SYT17: variants seen among roughly 807,000 people sequenced by gnomAD.
SYT17 encodes the protein synaptotagmin-17.
SYT17 carries 22 observed loss-of-function variants against 46.7 expected under a neutral mutation model. That is an observed-to-expected ratio of 0.47 (90% CI 0.34 to 0.67). SYT17 has a LOEUF of 0.67. Among genes scored for constraint, SYT17 ranks in the 30% least tolerant of loss-of-function variants. The pLI is 0.01. For missense variants in SYT17, 519 were observed against 612.8 expected (o/e 0.85, Z 1.62); for synonymous variants, 251 against 248.4 (o/e 1.01, Z -0.10).
chr16:19,198,756 A>G (rs943572995), intron 5 of SYT17, among the ~76,000 whole-genome samples: 10 of 152,252 alleles, frequency 6.6e-5, no homozygotes, highest in Non-Finnish European at 5.9e-5. Context: ...CTGTCATCTG[A>G]TAATGCCTGT....
intron 2 of SYT17, 53 bp from the exon 3 acceptor site, chr16:19,173,377 T>TTCCCCCCC: frequency 1.5e-5 from 2 of 133,944 alleles, no homozygotes; most frequent in Non-Finnish European, 2.9e-5. Flanking sequence ...TTCCCCACCC[T>TTCCCCCCC]GCCCACCTCC....
chr16:19,174,394 C>T (rs1199563956), intron 3 of SYT17, among the ~76,000 whole-genome samples: 1 of 152,114 alleles, frequency 6.6e-6, no homozygotes, highest in Non-Finnish European at 1.5e-5. Context: ...TGTCATGCTT[C>T]GGAGGGGCAG....
chr16:19,235,050 T>C (rs1966831348), intron 7 of SYT17, among the ~76,000 whole-genome samples: 1 of 152,026 alleles, frequency 6.6e-6, no homozygotes, highest in Non-Finnish European at 1.5e-5. Context: ...GGGAGATAGG[T>C]CAGAGCAAGA....
chr16:19,232,284 C>G (rs1216189769), intron 7 of SYT17, among the ~76,000 whole-genome samples: 1 of 152,112 alleles, frequency 6.6e-6, no homozygotes, highest in African/African-American at 2.4e-5. Context: ...TTTTGCCAAC[C>G]CTTGGTGTCT....
chr16:19,253,043 C>T (rs1055108702), intron 7 of SYT17, among the ~76,000 whole-genome samples: 5 of 152,258 alleles, frequency 3.3e-5, no homozygotes, highest in African/African-American at 9.6e-5. Context: ...GGTGTGGAGA[C>T]CACACTTCGG....
At chr16:19,232,716 A>G (rs1316786244) in intron 7 of SYT17, among the ~76,000 whole-genome samples, 1 of 152,074 alleles carries the variant, frequency 6.6e-6, no homozygotes, top group Non-Finnish European at 1.5e-5. Flanking sequence ...CTGTAGTCCC[A>G]GCTGCTCGGG....
intron 7 of SYT17, among the ~76,000 whole-genome samples, chr16:19,265,603 C>G (rs1293152047): frequency 6.6e-6 from 1 of 152,224 alleles, no homozygotes; most frequent in Admixed American, 6.5e-5. Context: ...TGATATTCAG[C>G]ATCCCTCCTG....
chr16:19,187,766 A>G (rs539120290), intron 5 of SYT17, among the ~76,000 whole-genome samples: 7 of 152,306 alleles, frequency 4.6e-5, no homozygotes, highest in African/African-American at 1.7e-4. Context: ...GAGAAATGCA[A>G]ATCAACACTA....
rs1175398494 is a variant in SYT17 at position 19,183,532 on chromosome 16, T to C, written c.336T>C (p.Leu112=). The C allele has an allele frequency of 6.2e-7, 1 of 1,613,656 alleles. No individual in the cohort carries two copies. Among genetic ancestry groups the C allele is most frequent in the Non-Finnish European group, 8.5e-7 (1 of 1,179,602 alleles). ...TYSLTRRISS[L]ESRRPSSPLI... ...GTTATTTCTGGTGGCTCTCAGGTCT[T>C]GAGTCAAGACGTCCCAGCTCTCCAC... Residue 112 remains leucine (L), a synonymous_variant, in exon 5 of 8, where the codon CTT becomes CTC. Transcript: ENST00000355377. This position sits in a 1 kb window ranked among gnomAD's most constrained non-coding sequence, Gnocchi z 5.6.
In SYT17 at chr16:19,208,884, C is replaced by CTTTTTTTTTTTTTTTTTTTTT. The variant is rs1191498524; in HGVS notation, c.952-14155_952-14135dup. On this transcript the variant is annotated intron_variant, in intron 5 of 7. Coordinates refer to ENST00000355377, the MANE Select transcript of SYT17 (RefSeq NM_016524.4). ...ATTTAATCACTTCTACAAGGACCTTCTTTTTTTTTTTTTTTTTTTTTTTTT... is the reference window on the plus strand; with the variant it reads ...ATTTAATCACTTCTACAAGGACCTTCTTTTTTTTTTTTTTTTTTTTTTTTTTTTTTTTTTTTTTTTTTTTTT... Among the ~76,000 whole-genome samples the CTTTTTTTTTTTTTTTTTTTTT allele has an allele frequency of 6.3e-5, 4 of 63,284 alleles. 1 individual carries two copies. The highest frequency in any genetic ancestry group is 2.1e-4 in the African/African-American group (3 of 14,180). The allele number at this position is 63,284 out of a possible 152,430, so 41.5% of individuals were successfully genotyped here.
At chr16:19,225,047 A>G (rs1027287531) in intron 7 of SYT17, among the ~76,000 whole-genome samples, 3 of 152,208 alleles carry the variant, frequency 2.0e-5, no homozygotes, top group African/African-American at 7.2e-5. Flanking sequence ...ACTTGAGCCA[A>G]ATTTCCTCAG....
chr16:19,241,652 C>T lies in SYT17; in HGVS notation c.1228+16814C>T, dbSNP rs575322600. ...CAGCCCAGTCCCATTGCAGTGGCCC[C>T]TAGGGCAGCAGGCTCTAGTGGAGGT... On this transcript the variant is annotated intron_variant, in intron 7 of 7. Coordinates refer to ENST00000355377, the MANE Select transcript of SYT17 (RefSeq NM_016524.4). Among the ~76,000 whole-genome samples, 4 of 152,256 alleles carry T rather than the reference C, an allele frequency of 2.6e-5. No individual in the cohort carries two copies. In the South Asian group the frequency reaches 8.3e-4, roughly 32 times the overall value.
Position 19,219,168 on chromosome 16 carries a change from C to T in SYT17, c.952-3877C>T, listed in dbSNP as rs1207436298. 4.1e-5 allele frequency among the ~76,000 whole-genome samples: 2 copies of T among 48,906 alleles called. 1 individual carries two copies. Among genetic ancestry groups the T allele is most frequent in the Non-Finnish European group, 7.1e-5 (2 of 28,318 alleles). 32.1% of individuals were successfully genotyped at this position (48,906 alleles called of 152,430 possible). A position where few individuals can be genotyped will look rare whatever the true frequency, so the allele number is the denominator to read the frequency against. ...CTGTAATCCCAGCACTTTGGGAGGC[C>T]GAGGCGGGTGGATCATGAGGTCAGG... On this transcript the variant is annotated intron_variant, in intron 5 of 7. Transcript: ENST00000355377.
intron 5 of SYT17, among the ~76,000 whole-genome samples, chr16:19,198,304 T>C (rs1330538266): frequency 6.6e-6 from 1 of 152,092 alleles, no homozygotes. Flanking sequence ...TCAGACTTAG[T>C]CGTTATGAAG....
intron 5 of SYT17, among the ~76,000 whole-genome samples, chr16:19,212,335 G>T (rs1241557317): frequency 1.3e-5 from 2 of 152,132 alleles, no homozygotes; most frequent in Non-Finnish European, 1.5e-5. Flanking sequence ...AAACAGGGAA[G>T]TGAGGCCGGG....
chr16:19,226,242 C>G (rs757504187), intron 7 of SYT17, among the ~76,000 whole-genome samples: 8 of 152,146 alleles, frequency 5.3e-5, no homozygotes, highest in Admixed American at 3.9e-4. Context: ...CTCCACATAT[C>G]AAGGGATCTA....
At chr16:19,262,422 G>C (rs1969045560) in intron 7 of SYT17, among the ~76,000 whole-genome samples, 1 of 152,168 alleles carries the variant, frequency 6.6e-6, no homozygotes, top group Non-Finnish European at 1.5e-5. Context: ...CTAGCTTCTG[G>C]AACCATTAGG....
At chr16:19,258,233 A>G (rs932627261) in intron 7 of SYT17, among the ~76,000 whole-genome samples, 1 of 152,116 alleles carries the variant, frequency 6.6e-6, no homozygotes, top group African/African-American at 2.4e-5. Context: ...GAGCCAGTGA[A>G]AGCAACTGCC....
At chr16:19,210,488 G>T in intron 5 of SYT17, among the ~76,000 whole-genome samples, 1 of 86,010 alleles carries the variant, frequency 1.2e-5, no homozygotes, top group East Asian at 2.1e-4. Flanking sequence ...TTTTTTAAAG[G>T]GTATTTTTTT....
Sources: gnomAD v4.1 joint callset for allele counts (sites outside exome capture counted in the v4.1 genomes callset) on GRCh38, gnomAD v4.1.1 for gene constraint, Gnocchi (gnomAD v3.1) non-coding constraint, MANE v1.5 for transcripts, NCBI Gene and HGNC (gene_info 2026-07-23, HGNC 2026-07-21) for gene names.